Variants in TBX4 observed in about 807,000 individuals in gnomAD.
TBX4 encodes T-box transcription factor TBX4.
In TBX4, 13 loss-of-function variants were observed where a neutral mutation model predicts 54.6. That is an observed-to-expected ratio of 0.24 (90% CI 0.15 to 0.38). The LOEUF (loss-of-function observed/expected upper bound fraction) is 0.38, where lower values mean the gene tolerates loss of function less well. TBX4 is among the 10% of genes least tolerant of loss of function. The pLI, the probability that TBX4 is intolerant of heterozygous loss-of-function variation, is 1.00. For missense variants in TBX4, 631 were observed against 728.5 expected (o/e 0.87, Z 1.54); for synonymous variants, 314 against 306.7 (o/e 1.02, Z -0.25).
chr17:61,478,935 G>A lies in TBX4; in HGVS notation c.702+156G>A, dbSNP rs555953013. 3.0e-5 allele frequency: 33 copies of A among 1,109,062 alleles called. No individual in the cohort carries two copies. The highest frequency in any genetic ancestry group is 6.3e-5 in the African/African-American group (4 of 63,910). 68.7% of individuals were successfully genotyped at this position (1,109,062 alleles called of 1,614,324 possible). The stretch of plus-strand genomic sequence containing the variant: ...GAAGCCTAGAGTCCCTCGGAGCCGC[G>A]AGCAAATCGAATGATGAACAGAAAA... On this transcript the variant is annotated intron_variant, in intron 6 of 8. Transcript: ENST00000644296. The surrounding 1 kb of genome is among the most constrained non-coding windows in gnomAD (Gnocchi z 7.4).
rs2060540590 is a variant in TBX4, at chr17:61,466,807, G to T, written c.402-703G>T. 3.3e-5 allele frequency among the ~76,000 whole-genome samples: 5 copies of T among 152,336 alleles called. No individual in the cohort carries two copies. The South Asian group carries it at 1.0e-3, about 32-fold the overall frequency. On this transcript the variant is annotated intron_variant, in intron 4 of 8. Coordinates refer to ENST00000644296, the MANE Select transcript of TBX4 (RefSeq NM_001321120.2). ...TGTTTTGGGGACAAGCCTTTTGAGA[G>T]TTGTCTAGGTCCTCTGAGAAGCTCC...
At position 61,483,855 on chromosome 17, in the gene TBX4, A is replaced by AC; in HGVS notation, c.*339_*340insC. 1 of 318,178 alleles carries AC rather than the reference A, an allele frequency of 3.1e-6. No individual in the cohort carries two copies. Among genetic ancestry groups the AC allele is most frequent in the South Asian group, 3.1e-5 (1 of 32,060 alleles). The allele number at this position is 318,178 out of a possible 1,614,324, so 19.7% of individuals were successfully genotyped here. The stretch of plus-strand genomic sequence containing the variant: ...TATGAGTTATTGAGAGGGTTTTATA[A>AC]TGGTTGATTTACTCAGGGGCCAGGT... On this transcript the variant is annotated 3_prime_UTR_variant, in exon 9 of 9. Coordinates refer to ENST00000644296, the MANE Select transcript of TBX4 (RefSeq NM_001321120.2). The surrounding 1 kb of genome is among the most constrained non-coding windows in gnomAD (Gnocchi z 6.6).
chr17:61,482,320 T>G (rs1215546875), intron 8 of TBX4, among the ~76,000 whole-genome samples: 1 of 152,252 alleles, frequency 6.6e-6, no homozygotes, highest in Non-Finnish European at 1.5e-5. Flanking sequence ...CACTGTGGTG[T>G]TGGAATCTGT....
rs748984908 is a variant in TBX4 at position 61,461,642 on chromosome 17, G to T, written c.281+4011G>T. Among the ~76,000 whole-genome samples the T allele has an allele frequency of 1.5e-4, 23 of 152,176 alleles. No individual in the cohort carries two copies. Among genetic ancestry groups the T allele is most frequent in the Non-Finnish European group, 4.4e-5 (3 of 68,006 alleles). ...TACAGAAGAGTCCACAGGTCTTAAG[G>T]GTGCAGCTTTACAGACTTGCACAAA... On this transcript the variant is annotated intron_variant, in intron 3 of 8. Transcript: ENST00000644296. This position sits in a 1 kb window ranked among gnomAD's most constrained non-coding sequence, Gnocchi z 5.1.
At chr17:61,477,983 AG>A (rs1367615094) in intron 5 of TBX4, among the ~76,000 whole-genome samples, 1 of 151,918 alleles carries the variant, frequency 6.6e-6, no homozygotes, top group African/African-American at 2.4e-5. Context: ...AAAGAAAGAA[AG>A]GAAAGAAAAG....
rs2060525137 is a variant in TBX4, at chr17:61,465,095, G to A, written c.282-724G>A. On this transcript the variant is annotated intron_variant, in intron 3 of 8. Transcript: ENST00000644296. The surrounding 1 kb of genome is among the most constrained non-coding windows in gnomAD (Gnocchi z 4.9). ...AAGGCTTATCAGTGGGGTCCAGGCT[G>A]TGACCATGGCAGGTGGTTTCAGAAT... Among the ~76,000 whole-genome samples, 2 of 152,172 alleles carry A rather than the reference G, an allele frequency of 1.3e-5. No individual in the cohort carries two copies. Among genetic ancestry groups the A allele is most frequent in the African/African-American group, 4.8e-5 (2 of 41,436 alleles).
chr17:61,468,104 CGA>C (rs2060549075), intron 5 of TBX4, among the ~76,000 whole-genome samples: 1 of 152,196 alleles, frequency 6.6e-6, no homozygotes, highest in African/African-American at 2.4e-5. Context: ...CCTTTTCGAG[CGA>C]GAGTCACGGA....
rs552256447 is a variant in TBX4 at position 61,459,916 on chromosome 17, G to A, written c.281+2285G>A. Among the ~76,000 whole-genome samples the A allele has an allele frequency of 6.9e-6, 1 of 145,938 alleles. No individual in the cohort carries two copies. Among genetic ancestry groups the A allele is most frequent in the South Asian group, 2.1e-4 (1 of 4,678 alleles). On this transcript the variant is annotated intron_variant, in intron 3 of 8. Coordinates refer to ENST00000644296, the MANE Select transcript of TBX4 (RefSeq NM_001321120.2). The surrounding 1 kb of genome is among the most constrained non-coding windows in gnomAD (Gnocchi z 4.8). ...CCCCTCCTTCAGCAACCACTGTATT[G>A]CTCTGATCTACGTTACTCAGGCTGT... is the stretch of plus-strand genomic sequence containing the variant.
Position 61,462,137 on chromosome 17 carries a change from C to T in TBX4, c.282-3682C>T, listed in dbSNP as rs1286690283. Among the ~76,000 whole-genome samples, 2 of 152,322 alleles carry T rather than the reference C, an allele frequency of 1.3e-5. No homozygotes were observed. Among genetic ancestry groups the T allele is most frequent in the African/African-American group, 2.4e-5 (1 of 41,590 alleles). On this transcript the variant is annotated intron_variant, in intron 3 of 8. Transcript: ENST00000644296. The surrounding 1 kb of genome is among the most constrained non-coding windows in gnomAD (Gnocchi z 4.5). ...AACCCTTGCCCCGCGCCCCGCGCGCCTCCAACACCGAGAAACGTCCGAGGA... is the reference window on the plus strand; with the variant it reads ...AACCCTTGCCCCGCGCCCCGCGCGCTTCCAACACCGAGAAACGTCCGAGGA...
chr17:61,471,930 G>A (rs928517284), intron 5 of TBX4, among the ~76,000 whole-genome samples: 12 of 123,562 alleles, frequency 9.7e-5, no homozygotes, highest in Non-Finnish European at 1.6e-4. Flanking sequence ...TTTTAGTAGA[G>A]ACAGGGTTTC....
At position 61,484,733 on chromosome 17, in the gene TBX4, T is replaced by TTATATATTATATAAATAAATAAATA. The variant is rs1325920013; in HGVS notation, c.*1231_*1255dup. On this transcript the variant is annotated 3_prime_UTR_variant, in exon 9 of 9. Transcript: ENST00000644296. This position sits in a 1 kb window ranked among gnomAD's most constrained non-coding sequence, Gnocchi z 4.1. ...AACTCTTTGCATGCTGAATAGCTATTTATATATTATATAAATAAATAAATA... is the reference window on the plus strand; with the variant it reads ...AACTCTTTGCATGCTGAATAGCTATTTATATATTATATAAATAAATAAATATATATATTATATAAATAAATAAATA... 1.4e-5 allele frequency: 2 copies of TTATATATTATATAAATAAATAAATA among 145,020 alleles called. No individual in the cohort carries two copies. The highest frequency in any genetic ancestry group is 3.0e-5 in the Non-Finnish European group (2 of 65,750). 9.0% of individuals were successfully genotyped at this position (145,020 alleles called of 1,614,324 possible). A position where few individuals can be genotyped will look rare whatever the true frequency, so the allele number is the denominator to read the frequency against.
intron 5 of TBX4, among the ~76,000 whole-genome samples, chr17:61,471,892 ATT>A (rs35198276): frequency 0.032 from 2,287 of 72,486 alleles, 12 homozygotes; most frequent in Non-Finnish European, 0.043. Context: ...TGCCCAGCTA[ATT>A]TTTTTTTTTT....
Position 61,483,798 on chromosome 17 carries a change from T to G in TBX4, c.*282T>G. ...TATTGTTATCTGACATCTCTTGACATGCCCGTGGGTGGGATGGGAGTGGAG... is the reference window on the plus strand; with the variant it reads ...TATTGTTATCTGACATCTCTTGACAGGCCCGTGGGTGGGATGGGAGTGGAG... On this transcript the variant is annotated 3_prime_UTR_variant, in exon 9 of 9. Coordinates refer to ENST00000644296, the MANE Select transcript of TBX4 (RefSeq NM_001321120.2). This position sits in a 1 kb window ranked among gnomAD's most constrained non-coding sequence, Gnocchi z 6.6. 2.3e-6 allele frequency: 1 copy of G among 442,476 alleles called. No individual in the cohort carries two copies. Among genetic ancestry groups the G allele is most frequent in the Non-Finnish European group, 4.2e-6 (1 of 236,896 alleles). 27.4% of individuals were successfully genotyped at this position (442,476 alleles called of 1,614,324 possible).
rs2060587389 is a variant in TBX4 at position 61,472,471 on chromosome 17, T to A, written c.549+4814T>A. Among the ~76,000 whole-genome samples, 1 of 152,254 alleles carries A rather than the reference T, an allele frequency of 6.6e-6. No homozygotes were observed. Among genetic ancestry groups the A allele is most frequent in the South Asian group, 2.1e-4 (1 of 4,836 alleles). On this transcript the variant is annotated intron_variant, in intron 5 of 8. Transcript: ENST00000644296. The surrounding 1 kb of genome is among the most constrained non-coding windows in gnomAD (Gnocchi z 4.5). Reference sequence around the variant, plus strand: ...TGCTGTTCTCATCCTTTGCTCATTTTTCTTGTAGGTTTTTGATATCAATTT... The same window carrying A: ...TGCTGTTCTCATCCTTTGCTCATTTATCTTGTAGGTTTTTGATATCAATTT...
Position 61,478,869 on chromosome 17 carries a change from A to G in TBX4, c.702+90A>G, listed in dbSNP as rs1347657252. 6.2e-7 allele frequency: 1 copy of G among 1,605,000 alleles called. No homozygotes were observed. Among genetic ancestry groups the G allele is most frequent in the Non-Finnish European group, 8.5e-7 (1 of 1,172,496 alleles). ...GCAGAGAGGCAGAGTGTGAAGCCAG[A>G]GTCCCAGCAGGGCTTGGGCAGGCCC... On this transcript the variant is annotated intron_variant, in intron 6 of 8. Coordinates refer to ENST00000644296, the MANE Select transcript of TBX4 (RefSeq NM_001321120.2). This position sits in a 1 kb window ranked among gnomAD's most constrained non-coding sequence, Gnocchi z 7.4.
At chr17:61,454,741 G>T (rs1242860658) in intron 1 of TBX4, among the ~76,000 whole-genome samples, 1 of 152,202 alleles carries the variant, frequency 6.6e-6, no homozygotes, top group Non-Finnish European at 1.5e-5. Context: ...GAGCGCGTAG[G>T]ACTGAGAGCG....
intron 5 of TBX4, 55 bp downstream of exon 5, chr17:61,467,712 T>TG: frequency 6.2e-7 from 1 of 1,610,026 alleles, no homozygotes; most frequent in Non-Finnish European, 8.5e-7. Context: ...GTTTTAGGGG[T>TG]GGGACAGGCC....
Position 61,464,761 on chromosome 17 carries a change from T to C in TBX4, c.282-1058T>C, listed in dbSNP as rs1461558000. On this transcript the variant is annotated intron_variant, in intron 3 of 8. Coordinates refer to ENST00000644296, the MANE Select transcript of TBX4 (RefSeq NM_001321120.2). The surrounding 1 kb of genome is among the most constrained non-coding windows in gnomAD (Gnocchi z 5.8). ...GAGGGAGCTGTGCCCAGAGCGTTTG[T>C]GTATGCGCTGTGCTGTTGTGTGTGC... Among the ~76,000 whole-genome samples the C allele has an allele frequency of 6.6e-6, 1 of 152,094 alleles. No individual in the cohort carries two copies. Among genetic ancestry groups the C allele is most frequent in the Non-Finnish European group, 1.5e-5 (1 of 68,014 alleles).
chr17:61,474,328 T>C lies in TBX4; in HGVS notation c.550-4299T>C, dbSNP rs1177971796. Among the ~76,000 whole-genome samples the C allele has an allele frequency of 6.6e-6, 1 of 152,190 alleles. No homozygotes were observed. Among genetic ancestry groups the C allele is most frequent in the Non-Finnish European group, 1.5e-5 (1 of 68,026 alleles). On this transcript the variant is annotated intron_variant, in intron 5 of 8. Transcript: ENST00000644296. The surrounding 1 kb of genome is among the most constrained non-coding windows in gnomAD (Gnocchi z 4.6). ...GGCACCTTCTCATTAACTCTGAGCT[T>C]GTTGAGAGCAGTGTGTGCTCTCTCA...
Sources: gnomAD v4.1 joint callset for allele counts (sites outside exome capture counted in the v4.1 genomes callset) on GRCh38, gnomAD v4.1.1 for gene constraint, Gnocchi (gnomAD v3.1) non-coding constraint, MANE v1.5 for transcripts, NCBI Gene and HGNC (gene_info 2026-07-23, HGNC 2026-07-21) for gene names.